Variants in C3orf49 observed in about 807,000 individuals in gnomAD.
C3orf49 encodes the protein chromosome 3 open reading frame 49.
A neutral mutation model predicts 13.3 loss-of-function variants in C3orf49; 27 were observed. The observed-to-expected ratio is 2.02, with a 90% CI of 1.49 to 2.79. C3orf49 has a LOEUF of 2.79. Among genes scored for constraint, C3orf49 ranks in the 30% most tolerant of loss-of-function variants. The pLI is 0.00. For synonymous variants in C3orf49, 87 were observed against 47.6 expected, an observed-to-expected ratio of 1.83 and a Z score of -3.40; for missense variants, 242 against 134.2, an observed-to-expected ratio of 1.80 and a Z score of -3.97.
the C3orf49 span, among the ~76,000 whole-genome samples, chr3:63,804,167 C>T: frequency 2.0e-5 from 3 of 152,226 alleles, no homozygotes; most frequent in Middle Eastern, 3.4e-3. Context: ...TTGCCACCCA[C>T]CTTCTGTTGT....
chr3:63,823,672 G>C (rs2107097780), intron 2 of C3orf49, 103 bp downstream of exon 2: 1 of 609,164 alleles, frequency 1.6e-6, no homozygotes, highest in East Asian at 2.7e-5. Flanking sequence ...TGAGGAGCTT[G>C]TCTGAAATGC....
At chr3:63,843,128 G>A (rs1441529379) in intron 5 of C3orf49, among the ~76,000 whole-genome samples, 1 of 150,166 alleles carries the variant, frequency 6.7e-6, no homozygotes, top group Non-Finnish European at 1.5e-5. Flanking sequence ...TTGTTTGTTT[G>A]TTTGTTTGGA....
intron 3 of C3orf49, among the ~76,000 whole-genome samples, chr3:63,830,761 C>T (rs1701522026): frequency 6.6e-6 from 1 of 152,172 alleles, no homozygotes; most frequent in Admixed American, 6.5e-5. Flanking sequence ...TTCTGGGGCA[C>T]TGGTCCACAA....
the C3orf49 span, among the ~76,000 whole-genome samples, chr3:63,793,984 G>C: frequency 6.6e-6 from 1 of 152,148 alleles, no homozygotes; most frequent in African/African-American, 2.4e-5. Flanking sequence ...GCAGGACACT[G>C]TTTCTACAAA....
chr3:63,809,305 G>A, the C3orf49 span, among the ~76,000 whole-genome samples: 1 of 152,154 alleles, frequency 6.6e-6, no homozygotes. Flanking sequence ...GTTCTTCCCA[G>A]TGAGACCCAT....
At chr3:63,846,786 C>T (rs1234015661) in intron 6 of C3orf49, among the ~76,000 whole-genome samples, 1 of 152,054 alleles carries the variant, frequency 6.6e-6, no homozygotes, top group Non-Finnish European at 1.5e-5. Flanking sequence ...TAGGGAGCCC[C>T]ACATGGATGA....
the C3orf49 span, among the ~76,000 whole-genome samples, chr3:63,790,835 T>C: frequency 6.6e-6 from 1 of 152,162 alleles, no homozygotes; most frequent in Admixed American, 6.5e-5. Flanking sequence ...GTGTGGAATT[T>C]ATTTAGTAAG....
chr3:63,832,153 C>T (rs1701542899), intron 5 of C3orf49: 1 of 236,100 alleles, frequency 4.2e-6, no homozygotes, highest in Non-Finnish European at 8.1e-6. Flanking sequence ...GAGATCGCAC[C>T]ACTGCACTCC....
the C3orf49 span, among the ~76,000 whole-genome samples, chr3:63,789,919 A>G: frequency 0.21 from 31,857 of 151,706 alleles, 3,338 homozygotes; most frequent in East Asian, 0.26. Context: ...CCTCCACAGT[A>G]TATTAGATCC....
At chr3:63,840,804 AG>A (rs1701739793) in intron 5 of C3orf49, among the ~76,000 whole-genome samples, 1 of 152,204 alleles carries the variant, frequency 6.6e-6, no homozygotes, top group East Asian at 1.9e-4. Flanking sequence ...ACTGTTGGCA[AG>A]GGTGTTAGAA....
At chr3:63,805,451 C>T in the C3orf49 span, among the ~76,000 whole-genome samples, 5 of 152,158 alleles carry the variant, frequency 3.3e-5, no homozygotes, top group African/African-American at 1.2e-4. Context: ...TCAGAACTTA[C>T]CCTACAAGTT....
chr3:63,787,951 A>G, the C3orf49 span, among the ~76,000 whole-genome samples: 2 of 152,204 alleles, frequency 1.3e-5, no homozygotes, highest in African/African-American at 4.8e-5. Flanking sequence ...AGCCTTGTTC[A>G]TGACTATTTG....
the C3orf49 span, among the ~76,000 whole-genome samples, chr3:63,809,522 A>T: frequency 6.6e-6 from 1 of 152,058 alleles, no homozygotes; most frequent in Non-Finnish European, 1.5e-5. Context: ...GGGTAGCATC[A>T]CTCCTTTTCT....
intron 3 of C3orf49, among the ~76,000 whole-genome samples, chr3:63,829,246 G>T (rs1559599811): frequency 6.6e-6 from 1 of 152,136 alleles, no homozygotes; most frequent in Non-Finnish European, 1.5e-5. Context: ...TAATGGACAT[G>T]GTCTTGCTTC....
chr3:63,830,817 T>A (rs956689400), intron 3 of C3orf49, among the ~76,000 whole-genome samples: 7 of 152,210 alleles, frequency 4.6e-5, no homozygotes, highest in African/African-American at 1.7e-4. Flanking sequence ...AGGCAATTTC[T>A]TCTTCTTCCC....
chr3:63,824,014 T>C (rs1035324502), intron 2 of C3orf49, among the ~76,000 whole-genome samples: 4 of 152,116 alleles, frequency 2.6e-5, no homozygotes, highest in Non-Finnish European at 4.4e-5. Context: ...TTGGCCAGGC[T>C]GGTCTTGAAC....
intron 5 of C3orf49, among the ~76,000 whole-genome samples, chr3:63,833,458 C>G (rs796669584): frequency 5.9e-5 from 9 of 152,268 alleles, no homozygotes; most frequent in African/African-American, 2.2e-4. Flanking sequence ...ATCAATACAT[C>G]TTTTTCTATT....
the C3orf49 span, among the ~76,000 whole-genome samples, chr3:63,796,881 C>T: frequency 5.9e-5 from 9 of 151,994 alleles, no homozygotes; most frequent in Non-Finnish European, 1.5e-5. Flanking sequence ...TTTTCTTTCT[C>T]CCTGGAACTT....
intron 5 of C3orf49, 132 bp from the exon 6 acceptor site, chr3:63,844,890 GA>G (rs1701853511): frequency 2.0e-6 from 1 of 511,826 alleles, no homozygotes; most frequent in South Asian, 3.4e-5. Context: ...GAGTAAGACG[GA>G]AAATTGTACT....
Sources: allele counts gnomAD v4.1 joint callset (sites outside exome capture counted in the v4.1 genomes callset), GRCh38; gene constraint gnomAD v4.1.1; transcripts MANE v1.5; gene names NCBI Gene and HGNC (gene_info 2026-07-23, HGNC 2026-07-21).